The following ZCCHC14 variants were observed in gnomAD, a reference collection of about 807,000 sequenced individuals.
The protein encoded by ZCCHC14 is zinc finger CCHC domain-containing protein 14.
A neutral mutation model predicts 85.0 loss-of-function variants in ZCCHC14; 16 were observed. The observed-to-expected ratio is 0.19, with a 90% confidence interval of 0.13 to 0.29. The LOEUF (loss-of-function observed/expected upper bound fraction) is 0.29. Ranked by LOEUF, ZCCHC14 falls within the 10% of genes least tolerant of loss-of-function variation. The probability of loss-of-function intolerance (pLI) is 1.00; values close to 1 mark genes in which losing one functional copy is unlikely to be tolerated. For missense variants in ZCCHC14, 1,303 were observed against 1,443.5 expected (o/e 0.90, Z 1.58); for synonymous variants, 775 against 630.7 (o/e 1.23, Z -3.43).
intron 3 of ZCCHC14, among the ~76,000 whole-genome samples, chr16:87,427,819 G>C (rs1221369400): frequency 1.0e-4 from 2 of 19,674 alleles, no homozygotes; most frequent in African/African-American, 1.0e-3. Context: ...TGTACTTTTT[G>C]CACTTTTTGC....
At chr16:87,467,324 GA>G in intron 1 of ZCCHC14, 3 of 1,587,450 alleles carry the variant, frequency 1.9e-6, no homozygotes, top group Admixed American at 1.7e-5. Flanking sequence ...TGCCCCAAGC[GA>G]AAACAGAAAA....
In ZCCHC14 at chr16:87,412,076, C is replaced by G. The variant is rs780727336; in HGVS notation, c.2645G>C (p.Ser882Thr). 1 of 1,612,182 alleles carries G rather than the reference C, an allele frequency of 6.2e-7. No individual in the cohort carries two copies. Among genetic ancestry groups the G allele is most frequent in the African/African-American group, 1.3e-5 (1 of 74,932 alleles). Residue 882 changes from serine (S) to threonine (T), a missense_variant, in exon 12 of 13, where the codon AGC (serine) becomes ACC (threonine). Ser to Thr is a moderately conservative substitution (Grantham distance 58). Coordinates refer to ENST00000671377, the MANE Select transcript of ZCCHC14 (RefSeq NM_015144.3). ...LSSVPESSFY[S>T]SSGGGGSTGN... ...TGTGGAGCCGCCACCGCCACTGCTG[C>G]TATAGAAACTGCTTTCAGGGACGGA... is the stretch of plus-strand genomic sequence containing the variant.
intron 4 of ZCCHC14, among the ~76,000 whole-genome samples, 183 bp downstream of exon 4, chr16:87,423,627 G>C (rs555426914): frequency 1.3e-5 from 2 of 152,244 alleles, no homozygotes; most frequent in Non-Finnish European, 1.5e-5. Context: ...ACGGACCTGT[G>C]CTCGCAGCAA....
chr16:87,419,737 T>TTG, intron 6 of ZCCHC14, 46 bp downstream of exon 6: 3 of 435,540 alleles, frequency 6.9e-6, no homozygotes, highest in Non-Finnish European at 1.0e-5. Flanking sequence ...CGCCCAGCTG[T>TTG]TTTTTTTTTT....
chr16:87,411,838 G>A lies in ZCCHC14; in HGVS notation c.2883C>T (p.Phe961=). The change falls in exon 12 of 13, where the codon TTC becomes TTT. Residue 961 remains phenylalanine, a synonymous_variant. Transcript: ENST00000671377. ...TGCTGCACATGGGACTGAAGGGCAA[G>A]AAGGGGAAGGTGAACACGGACGGAC... The part of the protein sequence containing the change: ...FSGPSVFTFP[F]LPFSPMCSSG... 2 of 1,610,922 alleles carry A rather than the reference G, an allele frequency of 1.2e-6. No individual in the cohort carries two copies. The highest frequency in any genetic ancestry group is 1.1e-5 in the South Asian group (1 of 90,698).
chr16:87,423,703 C>T, intron 4 of ZCCHC14, 107 bp downstream of exon 4: 1 of 1,304,972 alleles, frequency 7.7e-7, no homozygotes, highest in South Asian at 1.3e-5. Flanking sequence ...CCTGCGCACG[C>T]TCACTCGCTA....
intron 1 of ZCCHC14, among the ~76,000 whole-genome samples, chr16:87,477,606 G>C (rs1376587314): frequency 6.6e-6 from 1 of 152,192 alleles, no homozygotes; most frequent in Non-Finnish European, 1.5e-5. Context: ...TGTCGTCTTT[G>C]TCAAATTATT....
intron 1 of ZCCHC14, 116 bp from the exon 2 acceptor site, chr16:87,460,247 T>C (rs946672448): frequency 1.5e-6 from 2 of 1,327,250 alleles, no homozygotes; most frequent in Middle Eastern, 1.9e-4. Flanking sequence ...CTACAAAACA[T>C]GTATTATTAT....
chr16:87,464,907 G>C (rs1224801436), intron 1 of ZCCHC14, among the ~76,000 whole-genome samples: 1 of 152,228 alleles, frequency 6.6e-6, no homozygotes, highest in African/African-American at 2.4e-5. Flanking sequence ...ATGTGCACGA[G>C]AGGGAAGACT....
At chr16:87,424,127 TG>T (rs1597406865) in intron 3 of ZCCHC14, among the ~76,000 whole-genome samples, 1 of 152,168 alleles carries the variant, frequency 6.6e-6, no homozygotes, top group East Asian at 1.9e-4. Flanking sequence ...TACTCCAGAG[TG>T]GGGTCTACAG....
At chr16:87,481,666 A>C (rs1324534230) in intron 1 of ZCCHC14, among the ~76,000 whole-genome samples, 3 of 151,632 alleles carry the variant, frequency 2.0e-5, no homozygotes, top group Admixed American at 1.3e-4. Context: ...ACTGGAGACA[A>C]ATCTAAAGAT....
chr16:87,429,272 C>T (rs1909527992), intron 3 of ZCCHC14, among the ~76,000 whole-genome samples: 1 of 152,198 alleles, frequency 6.6e-6, no homozygotes, highest in Admixed American at 6.5e-5. Context: ...TTAGCATTTT[C>T]CTAATGATGA....
In ZCCHC14 at chr16:87,419,801, G is replaced by T; in HGVS notation, c.1027C>A (p.Gln343Lys). 1 of 1,609,786 alleles carries T rather than the reference G, an allele frequency of 6.2e-7. No individual in the cohort carries two copies. The highest frequency in any genetic ancestry group is 8.5e-7 in the Non-Finnish European group (1 of 1,178,514). Residue 343 changes from glutamine to lysine, a missense_variant, in exon 6 of 13, where the codon CAG (glutamine) becomes AAG (lysine). Around this residue, in one of 7 missense-constraint regions of ZCCHC14, gnomAD observed 389 missense variants for 397.8 expected, o/e 0.98. Transcript: ENST00000671377. Reference protein sequence around the residue: ...RRFLSTSSPPQQLQSPSPGNP... With the variant: ...RRFLSTSSPPKQLQSPSPGNP... ...AACTCACTTGGACTCTGAAGCTGCT[G>T]TGGGGGAGAGGAAGTGCTGAGAAAC... is the stretch of plus-strand genomic sequence containing the variant.
intron 1 of ZCCHC14, among the ~76,000 whole-genome samples, chr16:87,486,657 C>T (rs1263109410): frequency 6.6e-6 from 1 of 151,256 alleles, no homozygotes. Flanking sequence ...AGCAGCTGGC[C>T]AAAAAATAAA....
At chr16:87,468,633 T>A (rs1408487277) in intron 1 of ZCCHC14, among the ~76,000 whole-genome samples, 1 of 152,232 alleles carries the variant, frequency 6.6e-6, no homozygotes, top group African/African-American at 2.4e-5. Context: ...TTTCCTAACT[T>A]AACTTATAAA....
chr16:87,433,241 T>C (rs1567519683), intron 2 of ZCCHC14, 40 bp from the exon 3 acceptor site: 6 of 1,565,400 alleles, frequency 3.8e-6, no homozygotes, highest in Non-Finnish European at 4.4e-6. Context: ...AAATAAGAGC[T>C]TGAAGTATAT....
In ZCCHC14 at chr16:87,477,137, A is replaced by C. The variant is rs1309105674; in HGVS notation, c.570+14532T>G. 5.4e-3 allele frequency among the ~76,000 whole-genome samples: 745 copies of C among 136,754 alleles called. 24 individuals carry two copies. Among genetic ancestry groups the C allele is most frequent in the African/African-American group, 0.019 (627 of 33,226 alleles). The allele number at this position is 136,754 out of a possible 152,430, so 89.7% of individuals were successfully genotyped here. A position where few individuals can be genotyped will look rare whatever the true frequency, so the allele number is the denominator to read the frequency against. Reference sequence around the variant, plus strand: ...CTCAGTCTCAAAAAAAAAAAAAAAAAAAAACAAAACAAAACCAAAAAAAAA... The same window carrying C: ...CTCAGTCTCAAAAAAAAAAAAAAAACAAAACAAAACAAAACCAAAAAAAAA... On this transcript the variant is annotated intron_variant, in intron 1 of 12. Coordinates refer to ENST00000671377, the MANE Select transcript of ZCCHC14 (RefSeq NM_015144.3).
chr16:87,440,055 C>T (rs1424351434), intron 2 of ZCCHC14, among the ~76,000 whole-genome samples: 1 of 152,234 alleles, frequency 6.6e-6, no homozygotes, highest in East Asian at 1.9e-4. Context: ...AATCCTCCTG[C>T]CTCAGCTTTC....
rs756249144 is a variant in ZCCHC14, at chr16:87,460,113, C to A, written c.589G>T (p.Ala197Ser). 22 of 1,613,994 alleles carry A rather than the reference C, an allele frequency of 1.4e-5. No individual in the cohort carries two copies. The highest frequency in any genetic ancestry group is 1.9e-5 in the Non-Finnish European group (22 of 1,180,020). The change falls in exon 2 of 13, where the codon GCC (alanine) becomes TCC (serine). Residue 197 changes from alanine (A) to serine (S), a missense_variant. By Grantham distance (99) the Ala-to-Ser change is moderately conservative. Around this residue, in one of 7 missense-constraint regions of ZCCHC14, gnomAD observed 389 missense variants for 397.8 expected, o/e 0.98. Coordinates refer to ENST00000671377, the MANE Select transcript of ZCCHC14 (RefSeq NM_015144.3). ...CTATTACTGACACTGCTGACAGGGGCCTCAGTTCTTGGAGTGATCTGAGGG... is the reference window on the plus strand; with the variant it reads ...CTATTACTGACACTGCTGACAGGGGACTCAGTTCTTGGAGTGATCTGAGGG... ...ACHKITPRTE[A>S]PVSSVSNSLE...
Sources: allele counts gnomAD v4.1 joint callset (sites outside exome capture counted in the v4.1 genomes callset), GRCh38; gene constraint gnomAD v4.1.1; regional missense constraint gnomAD v4.1.1; transcripts MANE v1.5; gene names NCBI Gene and HGNC (gene_info 2026-07-23, HGNC 2026-07-21).